Variants in ZNF253 observed in about 807,000 individuals in gnomAD.
ZNF253 encodes the protein zinc finger protein 253.
A neutral mutation model predicts 11.9 loss-of-function variants in ZNF253; 8 were observed. The ratio of observed to expected loss-of-function variants is 0.67; its 90% CI spans 0.40 to 1.22. The LOEUF (loss-of-function observed/expected upper bound fraction) is 1.22. ZNF253 is among the 50% of genes most tolerant of loss of function. ZNF253 has a pLI of 0.01. For synonymous variants in ZNF253, 194 were observed against 194.9 expected, an observed-to-expected ratio of 1.00 and a Z score of 0.04; for missense variants, 485 against 586.9, an observed-to-expected ratio of 0.83 and a Z score of 1.79.
chr19:19,866,795 G>C (rs1052350955), intron 1 of ZNF253, among the ~76,000 whole-genome samples: 4 of 152,128 alleles, frequency 2.6e-5, no homozygotes, highest in Non-Finnish European at 5.9e-5. Flanking sequence ...CGCCGTTATT[G>C]CCTCTGTGTC....
At chr19:19,875,832 A>T (rs972461792) in intron 1 of ZNF253, among the ~76,000 whole-genome samples, 1 of 152,256 alleles carries the variant, frequency 6.6e-6, no homozygotes, top group Non-Finnish European at 1.5e-5. Context: ...CCTGGAAATT[A>T]TTAAACCCTT....
At chr19:19,867,526 C>T (rs1253757279) in intron 1 of ZNF253, among the ~76,000 whole-genome samples, 4 of 152,220 alleles carry the variant, frequency 2.6e-5, no homozygotes, top group Middle Eastern at 3.4e-3. Context: ...CCACGCCTGG[C>T]CAATTTTTCT....
chr19:19,881,206 A>G (rs2063176486), intron 3 of ZNF253, among the ~76,000 whole-genome samples: 1 of 151,692 alleles, frequency 6.6e-6, no homozygotes, highest in Non-Finnish European at 1.5e-5. Flanking sequence ...TTTTATTGTA[A>G]AGGTTTTTTA....
chr19:19,883,481 G>A (rs910751026), intron 3 of ZNF253, among the ~76,000 whole-genome samples: 1 of 152,070 alleles, frequency 6.6e-6, no homozygotes, highest in Non-Finnish European at 1.5e-5. Context: ...GCATGGTGGT[G>A]TGCACCTGTG....
chr19:19,866,142 C>G, intron 1 of ZNF253, 143 bp downstream of exon 1: 1 of 1,108,430 alleles, frequency 9.0e-7, no homozygotes, highest in Admixed American at 2.2e-5. Flanking sequence ...CCTCAGTCCC[C>G]TTCAGCCATA....
At chr19:19,875,102 CT>C (rs2063149775) in intron 1 of ZNF253, among the ~76,000 whole-genome samples, 1 of 152,142 alleles carries the variant, frequency 6.6e-6, no homozygotes, top group Non-Finnish European at 1.5e-5. Flanking sequence ...ATCCTGGAGT[CT>C]TGCCTCACAG....
chr19:19,888,057 A>G (rs751680648), intron 3 of ZNF253, among the ~76,000 whole-genome samples: 17 of 151,976 alleles, frequency 1.1e-4, no homozygotes, highest in Middle Eastern at 3.4e-3. Flanking sequence ...TACTAATGTT[A>G]TCTATTTATT....
At chr19:19,881,488 A>T (rs2063177495) in intron 3 of ZNF253, among the ~76,000 whole-genome samples, 1 of 151,922 alleles carries the variant, frequency 6.6e-6, no homozygotes, top group Non-Finnish European at 1.5e-5. Context: ...GTCTCTGCTG[A>T]AATTACAAAA....
chr19:19,892,236 A>T lies in ZNF253; in HGVS notation c.989A>T (p.His330Leu), dbSNP rs769897101. The part of the protein sequence containing the change: ...SFKHCSNLTI[H>L]KRIHTGEKPY... ...AAGCACTGCTCTAACCTTACTATAC[A>T]TAAGAGAATTCATACAGGAGAGAAA... Residue 330 changes from histidine (H) to leucine (L), a missense_variant, in exon 4 of 4, where the codon CAT (histidine) becomes CTT (leucine). By Grantham distance (99) the His-to-Leu change is moderately conservative. Transcript: ENST00000589717. 1 of 1,613,984 alleles carries T rather than the reference A, an allele frequency of 6.2e-7. No homozygotes were observed.
rs554980082 is a variant in ZNF253, at chr19:19,887,317, A to T, written c.227-4157A>T. Among the ~76,000 whole-genome samples the T allele has an allele frequency of 2.1e-4, 32 of 151,656 alleles. 1 individual carries two copies. The South Asian group carries it at 6.7e-3, about 32-fold the overall frequency. On this transcript the variant is annotated intron_variant, in intron 3 of 3. Coordinates refer to ENST00000589717, the MANE Select transcript of ZNF253 (RefSeq NM_021047.3). Reference sequence around the variant, plus strand: ...ATTTATTTATTTATTTTCTTTTGTGATGGAATTTCACTCTTGTTGCTCAGG... The same window carrying T: ...ATTTATTTATTTATTTTCTTTTGTGTTGGAATTTCACTCTTGTTGCTCAGG...
Position 19,872,561 on chromosome 19 carries a change from C to CTATATATATA in ZNF253, c.4-5910_4-5901dup, listed in dbSNP as rs58650123. 6.2e-4 allele frequency among the ~76,000 whole-genome samples: 76 copies of CTATATATATA among 121,956 alleles called. 2 individuals carry two copies. The highest frequency in any genetic ancestry group is 3.0e-3 in the African/African-American group (71 of 23,842). The allele number at this position is 121,956 out of a possible 152,430, so 80.0% of individuals were successfully genotyped here. A position where few individuals can be genotyped will look rare whatever the true frequency, so the allele number is the denominator to read the frequency against. On this transcript the variant is annotated intron_variant, in intron 1 of 3. Transcript: ENST00000589717. The stretch of plus-strand genomic sequence containing the variant: ...CTATATCCCATACCCTAAACCATAA[C>CTATATATATA]TATATATATATATATATATTATTAT...
chr19:19,866,947 A>G (rs1482527622), intron 1 of ZNF253, among the ~76,000 whole-genome samples: 1 of 151,546 alleles, frequency 6.6e-6, no homozygotes, highest in African/African-American at 2.4e-5. Flanking sequence ...ACAAAGAGGT[A>G]CAAAAAAGTT....
chr19:19,880,349 TCTC>T lies in ZNF253; in HGVS notation c.226+206_226+208del, dbSNP rs564634328. Among the ~76,000 whole-genome samples the T allele has an allele frequency of 5.3e-5, 8 of 150,788 alleles. No individual in the cohort carries two copies. The East Asian group carries it at 1.6e-3, about 30-fold the overall frequency. The stretch of plus-strand genomic sequence containing the variant: ...TTTTAAATTCTCTAAGAATTCTACT[TCTC>T]CTTTGGTGAGCTTCCTTCAGGTTCA... On this transcript the variant is annotated intron_variant, in intron 3 of 3. Coordinates refer to ENST00000589717, the MANE Select transcript of ZNF253 (RefSeq NM_021047.3).
intron 3 of ZNF253, among the ~76,000 whole-genome samples, chr19:19,881,757 T>C (rs1599554707): frequency 6.6e-6 from 1 of 152,264 alleles, no homozygotes; most frequent in Middle Eastern, 3.4e-3. Context: ...GGGTTTAATA[T>C]ACTGTTTATG....
At chr19:19,889,946 A>G (rs1226151929) in intron 3 of ZNF253, among the ~76,000 whole-genome samples, 2 of 152,164 alleles carry the variant, frequency 1.3e-5, no homozygotes, top group Non-Finnish European at 2.9e-5. Flanking sequence ...GGCCTGTTCA[A>G]TTTATTCTGA....
At chr19:19,869,135 T>C (rs1380753673) in intron 1 of ZNF253, among the ~76,000 whole-genome samples, 1 of 152,188 alleles carries the variant, frequency 6.6e-6, no homozygotes, top group African/African-American at 2.4e-5. Flanking sequence ...AAGATAGGAT[T>C]AAATTTAGCA....
chr19:19,880,233 C>A, intron 3 of ZNF253, 87 bp downstream of exon 3: 1 of 943,834 alleles, frequency 1.1e-6, no homozygotes, highest in Non-Finnish European at 1.5e-6. Context: ...AAATGTGATT[C>A]TGGAAGCTGT....
chr19:19,888,145 C>T (rs1005222625), intron 3 of ZNF253, among the ~76,000 whole-genome samples: 4 of 149,924 alleles, frequency 2.7e-5, no homozygotes, highest in Non-Finnish European at 5.9e-5. Flanking sequence ...CTCACTGCAA[C>T]CTCTGCCTCT....
intron 3 of ZNF253, among the ~76,000 whole-genome samples, chr19:19,880,719 A>AG (rs1033616231): frequency 2.6e-5 from 4 of 151,982 alleles, no homozygotes; most frequent in African/African-American, 9.7e-5. Flanking sequence ...AAAAAAAAAA[A>AG]AGAGAGAATG....
Sources: gnomAD v4.1 joint callset for allele counts (sites outside exome capture counted in the v4.1 genomes callset) on GRCh38, gnomAD v4.1.1 for gene constraint, MANE v1.5 for transcripts, NCBI Gene and HGNC (gene_info 2026-07-23, HGNC 2026-07-21) for gene names.